Variants in LCORL observed in about 807,000 individuals in gnomAD.
LCORL encodes the protein ligand dependent nuclear receptor corepressor like, also known as ligand-dependent nuclear receptor corepressor-like protein.
In LCORL, 41 loss-of-function variants were observed where a neutral mutation model predicts 141.8. That is an observed-to-expected ratio of 0.29 (90% CI 0.23 to 0.38). LCORL has a LOEUF of 0.38. LCORL is among the 10% of genes least tolerant of loss of function. The pLI is 1.00. For synonymous variants in LCORL, 618 were observed against 694.1 expected (o/e 0.89, Z 1.72); for missense variants, 1,759 against 2,035.0 (o/e 0.86, Z 2.61).
chr4:17,971,189 C>A (rs1323780135), intron 2 of LCORL, among the ~76,000 whole-genome samples: 3 of 151,996 alleles, frequency 2.0e-5, no homozygotes, highest in Non-Finnish European at 4.4e-5. Context: ...CCATAACTAT[C>A]CATAATCCAT....
intron 1 of LCORL, among the ~76,000 whole-genome samples, chr4:17,998,507 C>A (rs1362000249): frequency 1.3e-5 from 2 of 151,980 alleles, no homozygotes; most frequent in Non-Finnish European, 2.9e-5. Context: ...CCTAGGCATA[C>A]ACAGAGTAAG....
At chr4:17,929,749 A>G (rs1020973095) in intron 4 of LCORL, among the ~76,000 whole-genome samples, 3 of 152,240 alleles carry the variant, frequency 2.0e-5, no homozygotes, top group African/African-American at 7.2e-5. Context: ...CAACAAGAAC[A>G]GAATGGATAA....
chr4:17,877,010 T>C (rs1726993393), exon 7 of LCORL: 5 of 1,230,742 alleles, frequency 4.1e-6, no homozygotes, highest in Admixed American at 8.5e-5. Context: ...CTGATGAAGA[T>C]ATCTCATTGT....
intron 7 of LCORL, among the ~76,000 whole-genome samples, chr4:17,861,352 C>T (rs1724990065): frequency 6.6e-6 from 1 of 152,246 alleles, no homozygotes; most frequent in African/African-American, 2.4e-5. Context: ...GGGGCTTCCA[C>T]CCTCTGAATC....
rs76864757 is a variant in LCORL, at chr4:17,950,114, T to C, written c.430+11789A>G. ...GGAAAGTGTAAAGATGATATTAAGCTAAAACCTTTTTTAGTATACCACTTG... is the reference window on the plus strand; with the variant it reads ...GGAAAGTGTAAAGATGATATTAAGCCAAAACCTTTTTTAGTATACCACTTG... On this transcript the variant is annotated intron_variant, in intron 4 of 7. Transcript: ENST00000635767. Among the ~76,000 whole-genome samples the C allele has an allele frequency of 1.1e-4, 17 of 152,264 alleles. No homozygotes were observed. The East Asian group carries it at 3.1e-3, about 28-fold the overall frequency.
At chr4:17,972,843 C>T in exon 2 of LCORL, 4 of 1,437,860 alleles carry the variant, frequency 2.8e-6, no homozygotes, top group Non-Finnish European at 1.8e-6. Context: ...GAGGTCTCTT[C>T]GTAGCCGTGG....
intron 1 of LCORL, among the ~76,000 whole-genome samples, chr4:17,983,407 T>C (rs1718367136): frequency 6.6e-6 from 1 of 152,104 alleles, no homozygotes. Flanking sequence ...GCAAAGAAGG[T>C]TTTTCCTTTT....
rs1487426045 is a variant in LCORL, at chr4:18,012,776, A to G, written c.154+8822T>C. 3.3e-5 allele frequency among the ~76,000 whole-genome samples: 5 copies of G among 152,302 alleles called. No individual in the cohort carries two copies. In the South Asian group the frequency reaches 6.2e-4, roughly 19 times the overall value. The stretch of plus-strand genomic sequence containing the variant: ...TTTGCCTCAGTATTTTGTTACTATC[A>G]GCTCTCAGCTTAATGAAATTAACAT... On this transcript the variant is annotated intron_variant, in intron 1 of 7. Transcript: ENST00000635767.
At chr4:17,954,122 T>C (rs1007042904) in intron 4 of LCORL, among the ~76,000 whole-genome samples, 4 of 151,940 alleles carry the variant, frequency 2.6e-5, no homozygotes, top group Admixed American at 1.3e-4. Context: ...GAGATTGCGC[T>C]ACTGCACTCC....
At chr4:18,019,499 A>G (rs1474906818) in intron 1 of LCORL, among the ~76,000 whole-genome samples, 1 of 152,268 alleles carries the variant, frequency 6.6e-6, no homozygotes, top group Non-Finnish European at 1.5e-5. Flanking sequence ...AGTGTAATAC[A>G]GTAGTAACTT....
At chr4:17,897,685 G>A (rs554432646) in intron 5 of LCORL, among the ~76,000 whole-genome samples, 140 of 152,086 alleles carry the variant, frequency 9.2e-4, no homozygotes, top group Middle Eastern at 3.4e-3. Context: ...TCATTCCACC[G>A]AAATTGTTCT....
chr4:17,903,322 G>A (rs542639120), intron 5 of LCORL, among the ~76,000 whole-genome samples: 1 of 152,124 alleles, frequency 6.6e-6, no homozygotes, highest in East Asian at 1.9e-4. Context: ...GCAGAAGACT[G>A]TATTAACAAA....
chr4:17,985,939 T>C (rs1299517093), intron 1 of LCORL, among the ~76,000 whole-genome samples: 1 of 152,218 alleles, frequency 6.6e-6, no homozygotes, highest in Non-Finnish European at 1.5e-5. Context: ...TCAAGATCTC[T>C]TGTAAGGCAG....
At position 17,841,519 on chromosome 4, in the gene LCORL, G is replaced by T. The variant is rs1448864088; in HGVS notation, c.*4369C>A. Reference sequence around the variant, plus strand: ...AAATGCATTAGTAAAAGCAGGTAAGGAGTAGAAAAAAGTGTAACATGAATG... The same window carrying T: ...AAATGCATTAGTAAAAGCAGGTAAGTAGTAGAAAAAAGTGTAACATGAATG... On this transcript the variant is annotated 3_prime_UTR_variant, in exon 8 of 8. Coordinates refer to ENST00000635767, the Ensembl canonical transcript of LCORL. The T allele has an allele frequency of 2.0e-5, 3 of 151,848 alleles. No homozygotes were observed. In the East Asian group the frequency reaches 5.8e-4, roughly 29 times the overall value. The allele number at this position is 151,848 out of a possible 1,614,324, so 9.4% of individuals were successfully genotyped here. A position where few individuals can be genotyped will look rare whatever the true frequency, so the allele number is the denominator to read the frequency against.
rs890741714 is a variant in LCORL, at chr4:17,872,729, C to T, written c.5602+659G>A. On this transcript the variant is annotated intron_variant, in intron 7 of 7. Coordinates refer to ENST00000635767, the Ensembl canonical transcript of LCORL. ...TGGATTACCTGTGAAAAAGAATCCTCATCTTTATATCTGTGGAAATGAGCT... is the reference window on the plus strand; with the variant it reads ...TGGATTACCTGTGAAAAAGAATCCTTATCTTTATATCTGTGGAAATGAGCT... 3.9e-5 allele frequency among the ~76,000 whole-genome samples: 6 copies of T among 152,100 alleles called. 1 individual carries two copies. The highest frequency in any genetic ancestry group is 2.0e-4 in the Admixed American group (3 of 15,264).
In LCORL at chr4:18,021,641, C is replaced by T; in HGVS notation, c.111G>A (p.Arg37=). The T allele has an allele frequency of 6.5e-7, 1 of 1,545,916 alleles. No homozygotes were observed. The highest frequency in any genetic ancestry group is 1.2e-5 in the South Asian group (1 of 83,928). The change falls in exon 1 of 8, where the codon CGG becomes CGA. Residue 37 remains arginine, a synonymous_variant. Coordinates refer to ENST00000635767, the Ensembl canonical transcript of LCORL. This position sits in a 1 kb window ranked among gnomAD's most constrained non-coding sequence, Gnocchi z 5.5. ...GGTGGCGCCAAGAGTCGAGTTCCCGCCGGAATCCTCTTCTCTCCGCCGCGC... is the reference window on the plus strand; with the variant it reads ...GGTGGCGCCAAGAGTCGAGTTCCCGTCGGAATCCTCTTCTCTCCGCCGCGC...
At position 17,878,012 on chromosome 4, in the gene LCORL, G is replaced by A. The variant is rs138147438; in HGVS notation, c.978C>T (p.Pro326=). 17 of 1,230,412 alleles carry A rather than the reference G, an allele frequency of 1.4e-5. No homozygotes were observed. The Admixed American group carries it at 2.1e-4, about 15-fold the overall frequency. The allele number at this position is 1,230,412 out of a possible 1,614,324, so 76.2% of individuals were successfully genotyped here. Residue 326 remains proline (P), a synonymous_variant, in exon 7 of 8, where the codon CCC becomes CCT. Coordinates refer to ENST00000635767, the Ensembl canonical transcript of LCORL. Reference sequence around the variant, plus strand: ...GACCACATAAATCATCTTCGATTAAGGGCTTTTGAGATTCTGAAGACACAA... The same window carrying A: ...GACCACATAAATCATCTTCGATTAAAGGCTTTTGAGATTCTGAAGACACAA...
intron 7 of LCORL, among the ~76,000 whole-genome samples, chr4:17,859,610 T>C (rs562977744): frequency 1.5e-4 from 23 of 152,128 alleles, no homozygotes; most frequent in Non-Finnish European, 2.6e-4. Context: ...GGGAAAATAC[T>C]TATTTTCCTA....
At chr4:17,926,451 C>T (rs1735165061) in intron 4 of LCORL, among the ~76,000 whole-genome samples, 2 of 152,108 alleles carry the variant, frequency 1.3e-5, no homozygotes, top group South Asian at 4.2e-4. Context: ...TGTCAAACTC[C>T]AAGTTCTTCA....
Sources: allele counts gnomAD v4.1 joint callset (sites outside exome capture counted in the v4.1 genomes callset), GRCh38; gene constraint gnomAD v4.1.1; non-coding constraint Gnocchi (gnomAD v3.1); transcripts MANE v1.5; gene names NCBI Gene and HGNC (gene_info 2026-07-23, HGNC 2026-07-21).